GUSB: variants seen among roughly 807,000 people sequenced by gnomAD.
GUSB encodes the protein beta-glucuronidase.
GUSB carries 51 observed loss-of-function variants against 74.6 expected under a neutral mutation model. The observed-to-expected ratio is 0.68, with a 90% CI of 0.55 to 0.86. The LOEUF (loss-of-function observed/expected upper bound fraction) is 0.86. GUSB is among the 40% of genes least tolerant of loss of function. The pLI is 0.00. For missense variants in GUSB, 736 were observed against 853.7 expected, an observed-to-expected ratio of 0.86 and a Z score of 1.72; for synonymous variants, 360 against 348.3, an observed-to-expected ratio of 1.03 and a Z score of -0.37.
chr7:65,979,568 G>A, intron 3 of GUSB, 27 bp from the exon 4 acceptor site: 3 of 1,613,868 alleles, frequency 1.9e-6, no homozygotes, highest in Non-Finnish European at 2.5e-6. Flanking sequence ...GTGGTTTGCT[G>A]GGCCCTTGCT....
intron 9 of GUSB, among the ~76,000 whole-genome samples, chr7:65,968,121 G>A (rs184370599): frequency 5.9e-5 from 9 of 151,590 alleles, no homozygotes; most frequent in South Asian, 2.1e-4. Flanking sequence ...AGCAGGGCAC[G>A]GTGGCTCATG....
intron 1 of GUSB, 164 bp from the exon 2 acceptor site, chr7:65,980,573 G>C (rs1345035129): frequency 1.5e-6 from 1 of 687,306 alleles, no homozygotes; most frequent in Admixed American, 2.2e-5. Context: ...CTGCCAGGGC[G>C]ATCTGTGCAC....
At chr7:65,980,061 G>T in intron 2 of GUSB, 150 bp from the exon 3 acceptor site, 1 of 946,240 alleles carries the variant, frequency 1.1e-6, no homozygotes. Context: ...GGGTAGATCA[G>T]GCTACCTATC....
Position 65,960,828 on chromosome 7 carries a change from C to G in GUSB, c.*69G>C, listed in dbSNP as rs753596986. On this transcript the variant is annotated 3_prime_UTR_variant, in exon 12 of 12. Coordinates refer to ENST00000304895, the MANE Select transcript of GUSB (RefSeq NM_000181.4). ...TCTGCCGTGAACAGTCCAGGAGGCA[C>G]TTGTTCTGCTGCTGTGGAAGTCGCC... The G allele has an allele frequency of 4.5e-6, 6 of 1,347,890 alleles. No individual in the cohort carries two copies. Among genetic ancestry groups the G allele is most frequent in the Non-Finnish European group, 6.4e-6 (6 of 937,578 alleles). 83.5% of individuals were successfully genotyped at this position (1,347,890 alleles called of 1,614,324 possible). A position where few individuals can be genotyped will look rare whatever the true frequency, so the allele number is the denominator to read the frequency against.
intron 5 of GUSB, 45 bp downstream of exon 5, chr7:65,975,970 T>C: frequency 6.4e-7 from 1 of 1,552,112 alleles, no homozygotes; most frequent in Non-Finnish European, 8.8e-7. Context: ...GGTCACCACA[T>C]GGGGGCAAAA....
At position 65,980,277 on chromosome 7, in the gene GUSB, G is replaced by A; in HGVS notation, c.343C>T (p.Leu115=). ...VILPERWTQD[L]RTRVVLRIGS... Reference sequence around the variant, plus strand: ...ATCCTCAGCACCACTCTTGTGCGCAGGTCCTGGGTCCATCGCTCCGGCAGG... The same window carrying A: ...ATCCTCAGCACCACTCTTGTGCGCAAGTCCTGGGTCCATCGCTCCGGCAGG... Residue 115 remains leucine, a synonymous_variant, in exon 2 of 12, where the codon CTG becomes TTG. Coordinates refer to ENST00000304895, the MANE Select transcript of GUSB (RefSeq NM_000181.4). The A allele has an allele frequency of 6.2e-7, 1 of 1,609,930 alleles. No individual in the cohort carries two copies. The highest frequency in any genetic ancestry group is 1.1e-5 in the South Asian group (1 of 90,906).
chr7:65,980,184 T>TCTCCC, intron 2 of GUSB, 40 bp downstream of exon 2: 1 of 720,098 alleles, frequency 1.4e-6, no homozygotes, highest in South Asian at 1.6e-5. Flanking sequence ...TCAGCAGCCG[T>TCTCCC]GCCCCCCCAC....
Position 65,982,094 on chromosome 7 carries a change from G to T in GUSB, c.90C>A (p.Pro30=). 6.2e-7 allele frequency: 1 copy of T among 1,601,816 alleles called. No individual in the cohort carries two copies. The highest frequency in any genetic ancestry group is 8.5e-7 in the Non-Finnish European group (1 of 1,175,244). Residue 30 remains proline (P), a synonymous_variant, in exon 1 of 12, where the codon CCC becomes CCA. Coordinates refer to ENST00000304895, the MANE Select transcript of GUSB (RefSeq NM_000181.4). ...ALGLQGGMLY[P]QESPSRECKE... The stretch of plus-strand genomic sequence containing the variant: ...TGCACTCCCGCGACGGGCTCTCCTG[G>T]GGGTACAGCATCCCGCCCTGCAGCC...
chr7:65,966,118 C>T lies in GUSB; in HGVS notation c.1653+1613G>A, dbSNP rs1217815733. On this transcript the variant is annotated intron_variant, in intron 10 of 11. Transcript: ENST00000304895. ...CAGGGAGGTGGACATTGCAGTGAGC[C>T]GAGATCGCGCCACTGCACTCCAGCC... Among the ~76,000 whole-genome samples the T allele has an allele frequency of 7.3e-5, 11 of 151,470 alleles. No homozygotes were observed. The East Asian group carries it at 2.1e-3, about 30-fold the overall frequency.
In GUSB at chr7:65,981,992, G is replaced by T; in HGVS notation, c.192C>A (p.Tyr64Ter). ...NRRRGFEEQW[Y>*]RRPLWESGPT... ...ATCGCACCTCCCACAGCGGCCGCCGGTACCACTGCTCCTCGAAGCCCCGGC... is the reference window on the plus strand; with the variant it reads ...ATCGCACCTCCCACAGCGGCCGCCGTTACCACTGCTCCTCGAAGCCCCGGC... The change falls in exon 1 of 12, where the codon TAC becomes TAA. Residue 64 changes from tyrosine (Y) to a stop codon, truncating the protein, a stop_gained. Coordinates refer to ENST00000304895, the MANE Select transcript of GUSB (RefSeq NM_000181.4). LOFTEE classifies it high-confidence loss of function. 6.2e-7 allele frequency: 1 copy of T among 1,608,504 alleles called. No individual in the cohort carries two copies.
chr7:65,971,082 G>C (rs1374077607), intron 8 of GUSB, among the ~76,000 whole-genome samples: 1 of 152,188 alleles, frequency 6.6e-6, no homozygotes, highest in Admixed American at 6.5e-5. Context: ...CAGGTACACA[G>C]AGCTGAGGTC....
In GUSB at chr7:65,970,340, AAG is replaced by A. The variant is rs1417496829; in HGVS notation, c.1416_1417del (p.Leu473GlyfsTer13). 3 of 1,613,092 alleles carry A rather than the reference AAG, an allele frequency of 1.9e-6. No homozygotes were observed. In the African/African-American group the frequency reaches 4.0e-5, roughly 22 times the overall value. On this transcript the variant is annotated frameshift_variant, in exon 9 of 12. Transcript: ENST00000304895. LOFTEE classifies it high-confidence loss of function. ...AAAGGTCACAGGCCGGGAGGGGTCC[AAG>A]GATTTGGTGTGAGCGATCACCATCC...
At chr7:65,979,138 C>G (rs906630399) in intron 4 of GUSB, among the ~76,000 whole-genome samples, 1 of 152,046 alleles carries the variant, frequency 6.6e-6, no homozygotes, top group Non-Finnish European at 1.5e-5. Flanking sequence ...GAGAGTAGCA[C>G]CATAGAGAAG....
In GUSB at chr7:65,972,746, GC is replaced by G. The variant is rs529707149; in HGVS notation, c.1391+1548del. Among the ~76,000 whole-genome samples, 3 of 152,182 alleles carry G rather than the reference GC, an allele frequency of 2.0e-5. No homozygotes were observed. In the South Asian group the frequency reaches 6.2e-4, roughly 32 times the overall value. ...TCTCCTCTGGCCACCTCCCAAAGAA[GC>G]CTCAAACACCTGCTCCTGGAAGCCT... On this transcript the variant is annotated intron_variant, in intron 8 of 11. Coordinates refer to ENST00000304895, the MANE Select transcript of GUSB (RefSeq NM_000181.4).
At chr7:65,977,941 G>A (rs986784008) in intron 4 of GUSB, among the ~76,000 whole-genome samples, 4 of 151,738 alleles carry the variant, frequency 2.6e-5, no homozygotes, top group African/African-American at 4.8e-5. Context: ...CTCCCGAGTC[G>A]CTGGGACTAC....
Position 65,974,700 on chromosome 7 carries a change from C to T in GUSB, c.1070G>A (p.Arg357Gln), listed in dbSNP as rs886527135. Reference protein sequence around the residue: ...GVNKHEDADIRGKGFDWPLLV... With the variant: ...GVNKHEDADIQGKGFDWPLLV... ...CAGCGGCCAGTCGAAGCCCTTCCCT[C>T]GGATCTAGGAGATAGCAGAGCCAAG... The change falls in exon 7 of 12, where the codon CGA (arginine) becomes CAA (glutamine). Residue 357 changes from arginine to glutamine, a missense_variant. Coordinates refer to ENST00000304895, the MANE Select transcript of GUSB (RefSeq NM_000181.4). 1.2e-6 allele frequency: 2 copies of T among 1,612,694 alleles called. No individual in the cohort carries two copies. Among genetic ancestry groups the T allele is most frequent in the African/African-American group, 1.3e-5 (1 of 74,884 alleles).
At chr7:65,971,213 G>A (rs1236479425) in intron 8 of GUSB, among the ~76,000 whole-genome samples, 1 of 152,202 alleles carries the variant, frequency 6.6e-6, no homozygotes, top group Non-Finnish European at 1.5e-5. Flanking sequence ...CGGAGTGCAG[G>A]CTGGGAGGCA....
chr7:65,981,022 T>A (rs959926319), intron 1 of GUSB, among the ~76,000 whole-genome samples: 2 of 152,110 alleles, frequency 1.3e-5, no homozygotes, highest in African/African-American at 2.4e-5. Flanking sequence ...AGAGCTGACC[T>A]CAGGACATCT....
chr7:65,975,756 C>T, intron 5 of GUSB: 2 of 388,188 alleles, frequency 5.2e-6, no homozygotes, highest in African/African-American at 2.1e-5. Context: ...GAGGCCAAGG[C>T]AGGAGGACTG....
Sources: allele counts gnomAD v4.1 joint callset (sites outside exome capture counted in the v4.1 genomes callset), GRCh38; gene constraint gnomAD v4.1.1; transcripts MANE v1.5; gene names NCBI Gene and HGNC (gene_info 2026-07-23, HGNC 2026-07-21).